TP53BP1: variants seen among roughly 807,000 people sequenced by gnomAD.
TP53BP1 encodes the protein TP53-binding protein 1.
TP53BP1 carries 61 observed loss-of-function variants against 200.8 expected under a neutral mutation model. The ratio of observed to expected loss-of-function variants is 0.30; its 90% CI spans 0.25 to 0.38. TP53BP1 has a LOEUF of 0.38. Among genes scored for constraint, TP53BP1 ranks in the 10% least tolerant of loss-of-function variants. The probability of loss-of-function intolerance (pLI) is 1.00; values close to 1 mark genes in which losing one functional copy is unlikely to be tolerated. For synonymous variants in TP53BP1, 822 were observed against 844.3 expected (o/e 0.97, Z 0.46); for missense variants, 2,144 against 2,371.9 (o/e 0.90, Z 2.00).
chr15:43,445,487 T>C (rs1345372077), intron 14 of TP53BP1, among the ~76,000 whole-genome samples: 2 of 152,104 alleles, frequency 1.3e-5, no homozygotes, highest in South Asian at 2.1e-4. Flanking sequence ...ACAAATTACC[T>C]GAAATGAAAA....
At chr15:43,492,795 C>T (rs1170436075) in intron 1 of TP53BP1, among the ~76,000 whole-genome samples, 1 of 149,836 alleles carries the variant, frequency 6.7e-6, no homozygotes, top group Non-Finnish European at 1.5e-5. Flanking sequence ...GCGCCTCTAC[C>T]TCCCCCCAAA....
chr15:43,404,683 T>TGTGA lies in TP53BP1; in HGVS notation c.*2696_*2699dup. On this transcript the variant is annotated 3_prime_UTR_variant, in exon 28 of 28. Coordinates refer to ENST00000382044, the MANE Select transcript of TP53BP1 (RefSeq NM_001141980.3). Reference sequence around the variant, plus strand: ...TATAAGTAAGGCTTAGAGATAGAGGTGTGACCATCTTTAATAATTTTAATG... The same window carrying TGTGA: ...TATAAGTAAGGCTTAGAGATAGAGGTGTGAGTGACCATCTTTAATAATTTTAATG... 1.1e-6 allele frequency: 1 copy of TGTGA among 942,602 alleles called. No individual in the cohort carries two copies. The highest frequency in any genetic ancestry group is 1.6e-6 in the Non-Finnish European group (1 of 640,070). The allele number at this position is 942,602 out of a possible 1,614,324, so 58.4% of individuals were successfully genotyped here.
rs1259171833 is a variant in TP53BP1 at position 43,409,030 on chromosome 15, A to G, written c.5467T>C (p.Cys1823Arg). The change falls in exon 26 of 28, where the codon TGC becomes CGC. Residue 1823 changes from cysteine (C) to arginine (R), a missense_variant. By Grantham distance (180) the Cys-to-Arg change is radical. Around this residue, in one of 4 missense-constraint regions of TP53BP1, gnomAD observed 334 missense variants for 453.4 expected, o/e 0.74. Transcript: ENST00000382044. Reference protein sequence around the residue: ...QHCRTRKYFLCLASGIPCVSH... With the variant: ...QHCRTRKYFLRLASGIPCVSH... ...ACACAAGGAATCCCACTGGCAAGGCACAGGAAGTACTTCCGGGTTCGACAA... is the reference window on the plus strand; with the variant it reads ...ACACAAGGAATCCCACTGGCAAGGCGCAGGAAGTACTTCCGGGTTCGACAA... 1 of 1,614,214 alleles carries G rather than the reference A, an allele frequency of 6.2e-7. No individual in the cohort carries two copies. Among genetic ancestry groups the G allele is most frequent in the Non-Finnish European group, 8.5e-7 (1 of 1,180,018 alleles).
At chr15:43,460,448 A>G (rs2046403427) in intron 11 of TP53BP1, among the ~76,000 whole-genome samples, 1 of 151,912 alleles carries the variant, frequency 6.6e-6, no homozygotes, top group South Asian at 2.1e-4. Flanking sequence ...TTTTGTAGAG[A>G]GGGTCTCATT....
chr15:43,437,664 C>T (rs1441518996), intron 16 of TP53BP1, among the ~76,000 whole-genome samples: 2 of 152,074 alleles, frequency 1.3e-5, no homozygotes, highest in Non-Finnish European at 2.9e-5. Flanking sequence ...CAAATTGATA[C>T]AACTGGCAGA....
chr15:43,425,856 G>T (rs1176229461), intron 18 of TP53BP1, among the ~76,000 whole-genome samples: 1 of 151,796 alleles, frequency 6.6e-6, no homozygotes, highest in Non-Finnish European at 1.5e-5. Context: ...ACGAGGTCAG[G>T]AGATCGAGAC....
chr15:43,449,090 G>A (rs1430618004), intron 12 of TP53BP1, among the ~76,000 whole-genome samples: 2 of 152,070 alleles, frequency 1.3e-5, no homozygotes, highest in Non-Finnish European at 2.9e-5. Flanking sequence ...TGGTGCCACC[G>A]CACTACAGCC....
intron 7 of TP53BP1, 53 bp downstream of exon 7, chr15:43,479,344 T>C: frequency 6.7e-7 from 1 of 1,500,132 alleles, no homozygotes; most frequent in East Asian, 2.4e-5. Flanking sequence ...AAAATGACAT[T>C]AGTATAACCC....
At position 43,477,708 on chromosome 15, in the gene TP53BP1, T is replaced by G. The variant is rs117567734; in HGVS notation, c.840A>C (p.Ala280=). 2.5e-6 allele frequency: 4 copies of G among 1,613,158 alleles called. No individual in the cohort carries two copies. The highest frequency in any genetic ancestry group is 3.4e-6 in the Non-Finnish European group (4 of 1,179,664). ...SPKASVAAME[A]KEQLSAQELM... is the part of the protein sequence containing the mutation. ...GTTCTTGTGCAGACAACTGTTCTTT[T>G]GCTTCCATAGCAGCAACAGATGCTT... Residue 280 remains alanine (A), a synonymous_variant, in exon 8 of 28, where the codon GCA becomes GCC. Transcript: ENST00000382044.
intron 11 of TP53BP1, among the ~76,000 whole-genome samples, chr15:43,463,892 C>T (rs1463492208): frequency 6.6e-6 from 1 of 152,106 alleles, no homozygotes; most frequent in African/African-American, 2.4e-5. Flanking sequence ...TGAATGAAAC[C>T]TGCACCTGCC....
At chr15:43,446,734 A>G in intron 13 of TP53BP1, 144 bp from the exon 14 acceptor site, 1 of 1,512,080 alleles carries the variant, frequency 6.6e-7, no homozygotes. Context: ...TCCCTGTCAT[A>G]AGTATCAACA....
chr15:43,438,244 C>G, intron 16 of TP53BP1, 80 bp downstream of exon 16: 1 of 1,257,594 alleles, frequency 8.0e-7, no homozygotes, highest in South Asian at 1.3e-5. Flanking sequence ...CAAACCACAG[C>G]ACAGTACATA....
At chr15:43,489,003 C>A (rs2079085001) in intron 4 of TP53BP1, among the ~76,000 whole-genome samples, 1 of 152,236 alleles carries the variant, frequency 6.6e-6, no homozygotes. Context: ...ACAGCTCCTC[C>A]TTTCATACTG....
intron 21 of TP53BP1, among the ~76,000 whole-genome samples, chr15:43,418,670 A>G (rs948358431): frequency 1.2e-4 from 19 of 152,214 alleles, no homozygotes; most frequent in South Asian, 6.2e-4. Flanking sequence ...GAACTAGCAC[A>G]TGAAACAATA....
chr15:43,475,621 A>T lies in TP53BP1; in HGVS notation c.1029T>A (p.Thr343=), dbSNP rs138307890. The change falls in exon 9 of 28, where the codon ACT becomes ACA. Residue 343 remains threonine, a synonymous_variant. Coordinates refer to ENST00000382044, the MANE Select transcript of TP53BP1 (RefSeq NM_001141980.3). ...GCSLASTPAT[T]LHLLQLSGQR... ...GACCAGAGAGCTGCAGGAGATGCAG[A>T]GTGGTGGCAGGAGTGGAAGCCAAAG... The T allele has an allele frequency of 5.0e-6, 8 of 1,614,028 alleles. No individual in the cohort carries two copies. The African/African-American group carries it at 1.1e-4, about 22-fold the overall frequency.
At chr15:43,502,245 C>T (rs2079213140) in intron 1 of TP53BP1, among the ~76,000 whole-genome samples, 1 of 152,032 alleles carries the variant, frequency 6.6e-6, no homozygotes, top group African/African-American at 2.4e-5. Flanking sequence ...ATCAATTGAG[C>T]CCAGGAGTTC....
chr15:43,405,062 T>G lies in TP53BP1; in HGVS notation c.*2321A>C. 4.3e-6 allele frequency: 4 copies of G among 920,298 alleles called. No individual in the cohort carries two copies. The highest frequency in any genetic ancestry group is 6.7e-6 in the Non-Finnish European group (4 of 601,378). The allele number at this position is 920,298 out of a possible 1,614,324, so 57.0% of individuals were successfully genotyped here. A position where few individuals can be genotyped will look rare whatever the true frequency, so the allele number is the denominator to read the frequency against. On this transcript the variant is annotated 3_prime_UTR_variant, in exon 28 of 28. Coordinates refer to ENST00000382044, the MANE Select transcript of TP53BP1 (RefSeq NM_001141980.3). ...TCTGCAAGCAGATTTTTTTCTAAGC[T>G]ATTGTAGCAGAAGAGTCAAAAGAAA...
At chr15:43,409,149 C>T in intron 25 of TP53BP1, 53 bp from the exon 26 acceptor site, 1 of 1,552,910 alleles carries the variant, frequency 6.4e-7, no homozygotes, top group East Asian at 2.2e-5. Flanking sequence ...TGGAAAGCTC[C>T]TAAGCAGCAG....
In TP53BP1 at chr15:43,406,502, G is replaced by C. The variant is rs1027250015; in HGVS notation, c.*881C>G. Reference sequence around the variant, plus strand: ...AGCCATGCCCATTTGTTTACTCATTGTCTATGGTTGCTTTCATGCCCTCAC... The same window carrying C: ...AGCCATGCCCATTTGTTTACTCATTCTCTATGGTTGCTTTCATGCCCTCAC... On this transcript the variant is annotated 3_prime_UTR_variant, in exon 28 of 28. Transcript: ENST00000382044. The C allele has an allele frequency of 4.5e-6, 2 of 442,048 alleles. No homozygotes were observed. Among genetic ancestry groups the C allele is most frequent in the Non-Finnish European group, 9.0e-6 (2 of 221,406 alleles). 27.4% of individuals were successfully genotyped at this position (442,048 alleles called of 1,614,324 possible).
Sources: allele counts gnomAD v4.1 joint callset (sites outside exome capture counted in the v4.1 genomes callset), GRCh38; gene constraint gnomAD v4.1.1; regional missense constraint gnomAD v4.1.1; transcripts MANE v1.5; gene names NCBI Gene and HGNC (gene_info 2026-07-23, HGNC 2026-07-21).